The following PFKM variants were observed in gnomAD, a reference collection of about 807,000 sequenced individuals.
PFKM encodes the protein phosphofructokinase, muscle.
A neutral mutation model predicts 95.5 loss-of-function variants in PFKM; 58 were observed. That is an observed-to-expected ratio of 0.61 (90% CI 0.49 to 0.76). PFKM has a LOEUF of 0.76. Among genes scored for constraint, PFKM ranks in the 30% least tolerant of loss-of-function variants. The pLI is 0.00. For missense variants in PFKM, 678 were observed against 1,005.4 expected, an observed-to-expected ratio of 0.67 and a Z score of 4.40; for synonymous variants, 336 against 357.2, an observed-to-expected ratio of 0.94 and a Z score of 0.67.
Position 48,134,272 on chromosome 12 carries a change from T to C in PFKM, c.634T>C (p.Cys212Arg), listed in dbSNP as rs755956424. The C allele has an allele frequency of 5.1e-5, 83 of 1,613,372 alleles. No individual in the cohort carries two copies. Among genetic ancestry groups the C allele is most frequent in the Non-Finnish European group, 7.0e-5 (82 of 1,179,388 alleles). ...TGTGTTAGAAGTAATGGGCCGCCAC[T>C]GTGGGTAAGATCCTCATTCTGACCC... The part of the protein sequence containing the change: ...TFVLEVMGRH[C>R]GYLALVTSLS... Residue 212 changes from cysteine (C) to arginine (R), a missense_variant, in exon 7 of 23, where the codon TGT (cysteine) becomes CGT (arginine). Cys to Arg is a radical substitution (Grantham distance 180, BLOSUM62 -3). Transcript: ENST00000359794.
intron 1 of PFKM, among the ~76,000 whole-genome samples, chr12:48,120,313 C>T (rs1948123383): frequency 6.6e-6 from 1 of 152,094 alleles, no homozygotes; most frequent in Non-Finnish European, 1.5e-5. Context: ...GTATCTAAGC[C>T]GATTTTACAT....
rs746325228 is a variant in PFKM at position 48,134,218 on chromosome 12, T to A, written c.594-14T>A. 5.1e-5 allele frequency: 83 copies of A among 1,612,588 alleles called. No individual in the cohort carries two copies. The South Asian group carries it at 6.0e-4, about 12-fold the overall frequency. ...AGGGTCACTTGGACTGTGTCATATG[T>A]CTATCTCTTGCAGCCACCAGAGGAC... On this transcript the variant is annotated splice_polypyrimidine_tract_variant and intron_variant, in intron 6 of 22. Transcript: ENST00000359794.
rs1251130701 is a variant in PFKM at position 48,106,786 on chromosome 12, AG to A, written c.-9-577del. On this transcript the variant is annotated intron_variant, in intron 1 of 24. Coordinates refer to the PFKM transcript ENST00000340802. The stretch of plus-strand genomic sequence containing the variant: ...GATGTAGAACCTTCCAGAACTCTGG[AG>A]GAATTTGAAACAGGCAGAGCTGTGA... 2.0e-5 allele frequency among the ~76,000 whole-genome samples: 3 copies of A among 152,280 alleles called. No individual in the cohort carries two copies. In the East Asian group the frequency reaches 5.8e-4, roughly 29 times the overall value.
At chr12:48,128,280 T>TCTC (rs879907677) in intron 2 of PFKM, among the ~76,000 whole-genome samples, 1 of 150,676 alleles carries the variant, frequency 6.6e-6, no homozygotes, top group South Asian at 2.1e-4. Context: ...TCTCTCTCTC[T>TCTC]TTTTTTCGAG....
At position 48,122,877 on chromosome 12, in the gene PFKM, A is replaced by G; in HGVS notation, c.85+18A>G. 6.2e-7 allele frequency: 1 copy of G among 1,611,708 alleles called. No homozygotes were observed. The highest frequency in any genetic ancestry group is 8.5e-7 in the Non-Finnish European group (1 of 1,177,782). On this transcript the variant is annotated intron_variant, in intron 2 of 22. Coordinates refer to ENST00000359794, the MANE Select transcript of PFKM (RefSeq NM_000289.6). ...TGCCCAAGGTAAGGAGGAGGGGACAAAAAACATGGCTGGTGGGACTTTTGG... is the reference window on the plus strand; with the variant it reads ...TGCCCAAGGTAAGGAGGAGGGGACAGAAAACATGGCTGGTGGGACTTTTGG...
At chr12:48,120,720 C>T (rs1237480911) in intron 1 of PFKM, among the ~76,000 whole-genome samples, 1 of 152,108 alleles carries the variant, frequency 6.6e-6, no homozygotes, top group Non-Finnish European at 1.5e-5. Context: ...TTTGCAACCA[C>T]TAAAAAATAT....
At chr12:48,140,612 C>A (rs1018888891) in intron 13 of PFKM, 110 bp from the exon 14 acceptor site, 1 of 1,061,998 alleles carries the variant, frequency 9.4e-7, no homozygotes. Context: ...AGGCAGATAT[C>A]CTGATCCCTG....
In PFKM at chr12:48,133,302, T is replaced by C; in HGVS notation, c.428-13T>C. 1 of 1,613,660 alleles carries C rather than the reference T, an allele frequency of 6.2e-7. No homozygotes were observed. Among genetic ancestry groups the C allele is most frequent in the South Asian group, 1.1e-5 (1 of 91,074 alleles). ...CCTCACCCAGTGGCTCCTGGTTTGC[T>C]TCTCATTGTCAGGTAAGATCACAGA... On this transcript the variant is annotated splice_polypyrimidine_tract_variant and intron_variant, in intron 5 of 22. Coordinates refer to ENST00000359794, the MANE Select transcript of PFKM (RefSeq NM_000289.6).
At position 48,122,729 on chromosome 12, in the gene PFKM, C is replaced by G. The variant is rs777305426; in HGVS notation, c.-8-38C>G. On this transcript the variant is annotated intron_variant, in intron 1 of 22. Coordinates refer to ENST00000359794, the MANE Select transcript of PFKM (RefSeq NM_000289.6). ...TCCTTTAGCTAGTGGCATCTTGATT[C>G]CTGCTGTGTCTTAACTGACCATTGT... The G allele has an allele frequency of 2.2e-5, 35 of 1,613,276 alleles. No homozygotes were observed. In the Admixed American group the frequency reaches 2.7e-4, roughly 12 times the overall value.
intron 9 of PFKM, 86 bp from the exon 10 acceptor site, chr12:48,135,205 C>G: frequency 8.0e-7 from 1 of 1,246,694 alleles, no homozygotes; most frequent in Non-Finnish European, 1.2e-6. Flanking sequence ...AGAGGCTGAG[C>G]TGTCCATGGT....
At chr12:48,138,997 C>T (rs1345804369) in intron 11 of PFKM, among the ~76,000 whole-genome samples, 5 of 152,038 alleles carry the variant, frequency 3.3e-5, no homozygotes, top group East Asian at 3.9e-4. Flanking sequence ...GCCAAGATCA[C>T]GCCACTGCAC....
At chr12:48,139,167 G>A in intron 11 of PFKM, 118 bp from the exon 12 acceptor site, 1 of 808,740 alleles carries the variant, frequency 1.2e-6, no homozygotes, top group Non-Finnish European at 2.2e-6. Flanking sequence ...GTGGGGTGTA[G>A]AATGGACAGG....
upstream of PFKM, among the ~76,000 whole-genome samples, chr12:48,116,126 C>T (rs899045901): frequency 6.8e-6 from 1 of 146,688 alleles, no homozygotes; most frequent in Non-Finnish European, 1.5e-5. Flanking sequence ...CCTTCCCTCC[C>T]TTCCTTCCTT....
chr12:48,134,326 T>G (rs767179520), intron 7 of PFKM, 50 bp downstream of exon 7: 1 of 1,496,156 alleles, frequency 6.7e-7, no homozygotes, highest in Non-Finnish European at 9.3e-7. Context: ...GCGATAGCCC[T>G]TTCCTTTTCC....
At chr12:48,125,961 T>G (rs1430025947) in intron 2 of PFKM, among the ~76,000 whole-genome samples, 1 of 152,234 alleles carries the variant, frequency 6.6e-6, no homozygotes, top group African/African-American at 2.4e-5. Flanking sequence ...AAAGTCATGC[T>G]CAAGTCATTT....
At chr12:48,133,226 T>C in intron 5 of PFKM, 89 bp from the exon 6 acceptor site, 2 of 1,338,226 alleles carry the variant, frequency 1.5e-6, no homozygotes, top group Non-Finnish European at 2.1e-6. Context: ...CAATTCCTTT[T>C]GGCTAGAGTT....
chr12:48,140,649 C>T, intron 13 of PFKM, 73 bp from the exon 14 acceptor site: 1 of 1,484,482 alleles, frequency 6.7e-7, no homozygotes, highest in South Asian at 1.1e-5. Context: ...AGCCCTTGCC[C>T]TCCTTTACTA....
At chr12:48,107,312 C>T (rs954583943) in intron 1 of PFKM, 5 of 1,148,790 alleles carry the variant, frequency 4.4e-6, no homozygotes, top group Non-Finnish European at 3.9e-6. Flanking sequence ...CAGTCACTGA[C>T]ATCTTATTTC....
intron 3 of PFKM, among the ~76,000 whole-genome samples, chr12:48,113,603 C>T (rs57655233): frequency 0.23 from 34,517 of 152,064 alleles, 4,651 homozygotes; most frequent in East Asian, 0.59. Flanking sequence ...AAGCAAGATC[C>T]TGGGGGAGGC....
Sources: allele counts gnomAD v4.1 joint callset (sites outside exome capture counted in the v4.1 genomes callset), GRCh38; gene constraint gnomAD v4.1.1; transcripts MANE v1.5; gene names NCBI Gene and HGNC (gene_info 2026-07-23, HGNC 2026-07-21).